The following ACTR3C variants were observed in gnomAD, a reference collection of about 807,000 sequenced individuals.
ACTR3C encodes the protein actin-related protein 3C.
ACTR3C carries 18 observed loss-of-function variants against 26.3 expected under a neutral mutation model. That is an observed-to-expected ratio of 0.68 (90% confidence interval 0.47 to 1.01). The LOEUF is 1.01. Among genes scored for constraint, ACTR3C ranks in the 50% least tolerant of loss-of-function variants. The pLI, the probability that ACTR3C is intolerant of heterozygous loss-of-function variation, is 0.00. For synonymous variants in ACTR3C, 55 were observed against 94.5 expected (o/e 0.58, Z 2.42); for missense variants, 184 against 250.7 (o/e 0.73, Z 1.80).
At chr7:150,161,229 T>TATATA in the ACTR3C span, among the ~76,000 whole-genome samples, 19 of 132,964 alleles carry the variant, frequency 1.4e-4, no homozygotes, top group East Asian at 2.3e-4. Flanking sequence ...TATATATTTA[T>TATATA]TATACTTTAA....
chr7:150,277,534 T>C lies in ACTR3C; in HGVS notation c.564+7219A>G, dbSNP rs528252503. ...CCTTTGGTCCTCAAATCTCTATGTCTGGCCCAGACCTGCAAAGCCTCCAAC... is the reference window on the plus strand; with the variant it reads ...CCTTTGGTCCTCAAATCTCTATGTCCGGCCCAGACCTGCAAAGCCTCCAAC... On this transcript the variant is annotated intron_variant, in intron 6 of 7. Coordinates refer to ENST00000683684, the MANE Select transcript of ACTR3C (RefSeq NM_001164458.2). Among the ~76,000 whole-genome samples the C allele has an allele frequency of 2.8e-4, 43 of 152,318 alleles. No individual in the cohort carries two copies. In the South Asian group the frequency reaches 8.9e-3, roughly 32 times the overall value.
the ACTR3C span, among the ~76,000 whole-genome samples, chr7:150,026,520 C>T: frequency 2.0e-5 from 3 of 149,612 alleles, no homozygotes; most frequent in East Asian, 5.9e-4. Flanking sequence ...AGAGTTTGGC[C>T]CATGGGTAAT....
At chr7:150,175,815 C>CAAAAAAA in the ACTR3C span, among the ~76,000 whole-genome samples, 8 of 46,174 alleles carry the variant, frequency 1.7e-4, no homozygotes, top group African/African-American at 5.8e-4. Context: ...TCCATCTGAA[C>CAAAAAAA]AAAAAAAAAA....
chr7:149,940,290 TTGTC>T, the ACTR3C span, among the ~76,000 whole-genome samples: 2 of 151,952 alleles, frequency 1.3e-5, no homozygotes, highest in East Asian at 1.9e-4. Flanking sequence ...TTATATGTGT[TTGTC>T]TGTGAATTTT....
chr7:150,007,956 C>T, the ACTR3C span, among the ~76,000 whole-genome samples: 1 of 152,228 alleles, frequency 6.6e-6, no homozygotes, highest in African/African-American at 2.4e-5. Context: ...CTAAAATCCA[C>T]ATTCTTTGCT....
At chr7:150,164,703 G>T in the ACTR3C span, among the ~76,000 whole-genome samples, 16 of 152,094 alleles carry the variant, frequency 1.1e-4, no homozygotes, top group South Asian at 3.3e-3. Flanking sequence ...GCCAGGAGAT[G>T]AGCTCATTTC....
chr7:149,924,343 C>T, the ACTR3C span, among the ~76,000 whole-genome samples: 1 of 151,816 alleles, frequency 6.6e-6, no homozygotes, highest in South Asian at 2.1e-4. Context: ...CCATTGCACT[C>T]CAGCCTGGGC....
chr7:150,299,930 T>C (rs1378730305), intron 1 of ACTR3C, among the ~76,000 whole-genome samples: 1 of 151,804 alleles, frequency 6.6e-6, no homozygotes. Context: ...ATTGTACAGT[T>C]AAAAATGGCT....
chr7:150,071,069 C>T, the ACTR3C span, among the ~76,000 whole-genome samples: 2 of 151,202 alleles, frequency 1.3e-5, no homozygotes, highest in Non-Finnish European at 2.9e-5. Context: ...GCTGGGATTA[C>T]AGGCGTGAGC....
At chr7:149,903,539 C>T in the ACTR3C span, among the ~76,000 whole-genome samples, 82,871 of 145,314 alleles carry the variant, frequency 0.57, 22,354 homozygotes, top group South Asian at 0.68. Context: ...GAAGAGTTGT[C>T]TTGGGGTTTT....
the ACTR3C span, among the ~76,000 whole-genome samples, chr7:150,027,822 A>G: frequency 7.2e-5 from 11 of 152,126 alleles, no homozygotes; most frequent in African/African-American, 2.7e-4. Context: ...ATTCCAAATA[A>G]GAATAAAAAA....
chr7:150,037,969 A>C, the ACTR3C span, among the ~76,000 whole-genome samples: 1 of 132,044 alleles, frequency 7.6e-6, no homozygotes, highest in African/African-American at 2.9e-5. Flanking sequence ...CAGGGGAGGA[A>C]AGGGGGAGGT....
At chr7:149,889,738 G>T in the ACTR3C span, among the ~76,000 whole-genome samples, 3 of 152,128 alleles carry the variant, frequency 2.0e-5, no homozygotes, top group African/African-American at 7.2e-5. Flanking sequence ...TCTACCTGTG[G>T]TCCGAGCTAC....
At chr7:149,922,970 CTTTTTTTTTTTTT>C in the ACTR3C span, among the ~76,000 whole-genome samples, 10 of 69,162 alleles carry the variant, frequency 1.4e-4, no homozygotes, top group East Asian at 5.8e-4. Flanking sequence ...AAATAAAAGG[CTTTTTTTTTTTTT>C]TTTTTTTTTT....
intron 1 of ACTR3C, among the ~76,000 whole-genome samples, chr7:150,309,860 C>A (rs1563205390): frequency 6.6e-6 from 1 of 152,186 alleles, no homozygotes; most frequent in Non-Finnish European, 1.5e-5. Context: ...CCCCCTGGAC[C>A]ATCATGGACG....
chr7:150,031,384 C>T, the ACTR3C span, among the ~76,000 whole-genome samples: 146 of 151,954 alleles, frequency 9.6e-4, no homozygotes, highest in African/African-American at 2.8e-3. Context: ...GGAAAAATTA[C>T]GGGTATTCTG....
At chr7:149,951,846 G>A in the ACTR3C span, among the ~76,000 whole-genome samples, 3 of 150,314 alleles carry the variant, frequency 2.0e-5, no homozygotes, top group Non-Finnish European at 4.4e-5. Flanking sequence ...CATTTTGGGA[G>A]GCATCTTAGA....
the ACTR3C span, among the ~76,000 whole-genome samples, chr7:149,933,636 T>C: frequency 2.6e-5 from 4 of 152,214 alleles, no homozygotes; most frequent in African/African-American, 9.6e-5. Flanking sequence ...ACACAGATTC[T>C]AGGTGTCCAG....
At chr7:150,255,968 T>C (rs377494623) in intron 6 of ACTR3C, among the ~76,000 whole-genome samples, 2 of 152,216 alleles carry the variant, frequency 1.3e-5, no homozygotes, top group African/African-American at 2.4e-5. Context: ...ACAACAATCA[T>C]GTGTTCCTTT....
Sources: allele counts gnomAD v4.1 joint callset (sites outside exome capture counted in the v4.1 genomes callset), GRCh38; gene constraint gnomAD v4.1.1; transcripts MANE v1.5; gene names NCBI Gene and HGNC (gene_info 2026-07-23, HGNC 2026-07-21).